The following R3HCC1L variants were observed in gnomAD, a reference collection of about 807,000 sequenced individuals.
The protein encoded by R3HCC1L is R3H domain and coiled-coil containing 1 like, also known as coiled-coil domain-containing protein R3HCC1L.
R3HCC1L carries 51 observed loss-of-function variants against 59.9 expected under a neutral mutation model. The ratio of observed to expected loss-of-function variants is 0.85; its 90% CI spans 0.68 to 1.07. The LOEUF (loss-of-function observed/expected upper bound fraction) is 1.07. R3HCC1L is among the 50% of genes least tolerant of loss of function. R3HCC1L has a pLI of 0.00. For missense variants in R3HCC1L, 965 were observed against 933.0 expected (o/e 1.03, Z -0.45); for synonymous variants, 322 against 315.2 (o/e 1.02, Z -0.23).
chr10:98,189,208 G>C (rs1590631902), intron 4 of R3HCC1L, among the ~76,000 whole-genome samples: 1 of 152,234 alleles, frequency 6.6e-6, no homozygotes, highest in East Asian at 1.9e-4. Flanking sequence ...GTGACAGATG[G>C]TGAAGAGAAA....
intron 1 of R3HCC1L, among the ~76,000 whole-genome samples, chr10:98,151,770 T>C (rs1324762761): frequency 2.6e-5 from 4 of 152,074 alleles, no homozygotes; most frequent in Admixed American, 1.3e-4. Flanking sequence ...GGAGATTGTT[T>C]AGAGAAAAAA....
At chr10:98,241,092 T>G (rs889158122) in intron 9 of R3HCC1L, among the ~76,000 whole-genome samples, 21 of 152,168 alleles carry the variant, frequency 1.4e-4, no homozygotes, top group African/African-American at 5.1e-4. Context: ...AAATATTTAG[T>G]AAACTTAAAA....
At chr10:98,162,614 C>G (rs929082590) in intron 2 of R3HCC1L, among the ~76,000 whole-genome samples, 1 of 151,928 alleles carries the variant, frequency 6.6e-6, no homozygotes, top group African/African-American at 2.4e-5. Context: ...GTAAGCTATC[C>G]CATGTATTAA....
intron 4 of R3HCC1L, among the ~76,000 whole-genome samples, chr10:98,166,197 A>C (rs1590502553): frequency 6.6e-6 from 1 of 152,092 alleles, no homozygotes; most frequent in Admixed American, 6.5e-5. Flanking sequence ...AACCAAGAAG[A>C]AGCCAGGGAG....
In R3HCC1L at chr10:98,243,884, A is replaced by G. The variant is rs528306857; in HGVS notation, c.2270-207A>G. ...ATTAGCCTCAGATATTTTTTATTAT[A>G]TAGTAGTAAATGTAATGACTTACAG... On this transcript the variant is annotated intron_variant, in intron 9 of 9. Transcript: ENST00000298999. Among the ~76,000 whole-genome samples the G allele has an allele frequency of 2.0e-4, 30 of 152,368 alleles. No individual in the cohort carries two copies. In the South Asian group the frequency reaches 6.2e-3, roughly 32 times the overall value.
intron 1 of R3HCC1L, among the ~76,000 whole-genome samples, chr10:98,145,252 T>C (rs1845542497): frequency 6.6e-6 from 1 of 152,152 alleles, no homozygotes; most frequent in African/African-American, 2.4e-5. Flanking sequence ...AATTGTACTG[T>C]GGAATAATGT....
chr10:98,191,929 ATTC>A (rs1850900685), intron 4 of R3HCC1L, among the ~76,000 whole-genome samples: 1 of 152,116 alleles, frequency 6.6e-6, no homozygotes, highest in Non-Finnish European at 1.5e-5. Context: ...GGTTCAAGCA[ATTC>A]TTCTACTTCA....
At chr10:98,165,431 T>A (rs899985426) in intron 4 of R3HCC1L, among the ~76,000 whole-genome samples, 3 of 152,154 alleles carry the variant, frequency 2.0e-5, no homozygotes, top group Non-Finnish European at 4.4e-5. Context: ...TTCCAGGAAT[T>A]ATTATAGTAG....
chr10:98,220,203 T>A (rs1240439824), intron 5 of R3HCC1L, among the ~76,000 whole-genome samples: 3 of 152,092 alleles, frequency 2.0e-5, no homozygotes, highest in Non-Finnish European at 2.9e-5. Context: ...CAGTTCAGGA[T>A]TGATTTAGTT....
intron 1 of R3HCC1L, among the ~76,000 whole-genome samples, chr10:98,140,643 G>A (rs1392365586): frequency 1.3e-5 from 2 of 152,142 alleles, no homozygotes; most frequent in African/African-American, 4.8e-5. Flanking sequence ...ATTTTTGTCT[G>A]TTATTTGAGA....
Position 98,173,705 on chromosome 10 carries a change from C to T in R3HCC1L, c.-15+10308C>T, listed in dbSNP as rs897278180. On this transcript the variant is annotated intron_variant, in intron 4 of 9. Coordinates refer to ENST00000298999, the MANE Select transcript of R3HCC1L (RefSeq NM_001351015.2). Reference sequence around the variant, plus strand: ...TTAATCACAGGGCCACACCCCTCCCCCTACTCTTTTTTCCCCCTAACCACA... The same window carrying T: ...TTAATCACAGGGCCACACCCCTCCCTCTACTCTTTTTTCCCCCTAACCACA... Among the ~76,000 whole-genome samples the T allele has an allele frequency of 2.6e-5, 4 of 152,052 alleles. 1 individual carries two copies. The South Asian group carries it at 8.3e-4, about 32-fold the overall frequency.
chr10:98,231,488 C>T (rs755246797), intron 5 of R3HCC1L, 24 bp from the exon 6 acceptor site: 43 of 1,601,846 alleles, frequency 2.7e-5, no homozygotes, highest in Middle Eastern at 1.7e-4. Context: ...GTAACCGGCA[C>T]TTAACGTGCT....
intron 4 of R3HCC1L, among the ~76,000 whole-genome samples, chr10:98,197,976 G>C (rs936076236): frequency 6.6e-5 from 10 of 152,174 alleles, no homozygotes; most frequent in African/African-American, 2.4e-4. Context: ...AAAAGCTTGT[G>C]TGTGAAAAAC....
Position 98,242,296 on chromosome 10 carries a change from C to A in R3HCC1L, c.2270-1795C>A, listed in dbSNP as rs561250201. ...CCTGGGAGGCGGAGGTTGCAGTAAG[C>A]CAAGATCACACCACTGCACTCCACC... On this transcript the variant is annotated intron_variant, in intron 9 of 9. Transcript: ENST00000298999. Among the ~76,000 whole-genome samples the A allele has an allele frequency of 2.6e-5, 4 of 152,246 alleles. No individual in the cohort carries two copies. The South Asian group carries it at 8.3e-4, about 32-fold the overall frequency.
chr10:98,226,174 T>C (rs1178054980), intron 5 of R3HCC1L, among the ~76,000 whole-genome samples: 1 of 152,204 alleles, frequency 6.6e-6, no homozygotes. Context: ...TTCTAAGATA[T>C]TTTGTGATTT....
At chr10:98,138,528 T>TA (rs879820584) in intron 1 of R3HCC1L, among the ~76,000 whole-genome samples, 102 of 148,386 alleles carry the variant, frequency 6.9e-4, no homozygotes, top group Middle Eastern at 6.9e-3. Flanking sequence ...TCATCTTTAT[T>TA]AAAAAAAAAA....
intron 5 of R3HCC1L, among the ~76,000 whole-genome samples, chr10:98,215,270 A>G (rs1854045898): frequency 6.6e-6 from 1 of 152,242 alleles, no homozygotes; most frequent in Non-Finnish European, 1.5e-5. Flanking sequence ...TTCTATTTAA[A>G]TGAATTGGAA....
chr10:98,190,922 T>TG (rs997352707), intron 4 of R3HCC1L, among the ~76,000 whole-genome samples: 5 of 151,822 alleles, frequency 3.3e-5, no homozygotes, highest in African/African-American at 1.2e-4. Flanking sequence ...TCTGTCCTTG[T>TG]GATAGTTTGC....
intron 9 of R3HCC1L, among the ~76,000 whole-genome samples, chr10:98,238,689 G>T (rs1284480005): frequency 6.6e-6 from 1 of 152,090 alleles, no homozygotes; most frequent in African/African-American, 2.4e-5. Context: ...TGCTTCTTCT[G>T]TAATACTGTA....
Sources: gnomAD v4.1 joint callset for allele counts (sites outside exome capture counted in the v4.1 genomes callset) on GRCh38, gnomAD v4.1.1 for gene constraint, MANE v1.5 for transcripts, NCBI Gene and HGNC (gene_info 2026-07-23, HGNC 2026-07-21) for gene names.